Variants in ASXL2 observed in about 807,000 individuals in gnomAD.
ASXL2 encodes putative Polycomb group protein ASXL2.
Under a neutral mutation model 122.0 loss-of-function variants are expected in ASXL2, and 23 were observed. That is an observed-to-expected ratio of 0.19 (90% CI 0.14 to 0.27). The LOEUF (loss-of-function observed/expected upper bound fraction) is 0.27. ASXL2 is among the 10% of genes least tolerant of loss of function. ASXL2 has a pLI of 1.00. For missense variants in ASXL2, 1,518 were observed against 1,713.8 expected (o/e 0.89, Z 2.02); for synonymous variants, 650 against 637.0 (o/e 1.02, Z -0.31).
intron 1 of ASXL2, among the ~76,000 whole-genome samples, chr2:25,869,482 T>A (rs2089942868): frequency 6.6e-6 from 1 of 152,102 alleles, no homozygotes; most frequent in Non-Finnish European, 1.5e-5. Flanking sequence ...GAGCACAAAG[T>A]CTTACTGGCA....
At chr2:25,795,687 C>A (rs991131087) in intron 5 of ASXL2, among the ~76,000 whole-genome samples, 16 of 152,034 alleles carry the variant, frequency 1.1e-4, no homozygotes, top group Admixed American at 5.9e-4. Context: ...TACTTGATGA[C>A]CTGGCTTGGC....
intron 3 of ASXL2, among the ~76,000 whole-genome samples, chr2:25,834,910 C>T (rs1422294432): frequency 6.6e-6 from 1 of 152,120 alleles, no homozygotes; most frequent in Admixed American, 6.5e-5. Context: ...GCAACCTCCA[C>T]CTTGTGGGTT....
intron 2 of ASXL2, among the ~76,000 whole-genome samples, chr2:25,844,627 T>C (rs529253960): frequency 4.0e-5 from 6 of 150,826 alleles, no homozygotes; most frequent in South Asian, 2.1e-4. Context: ...CACACACACA[T>C]TGACTATTAA....
At chr2:25,830,360 A>G (rs2089435387) in intron 3 of ASXL2, among the ~76,000 whole-genome samples, 1 of 152,244 alleles carries the variant, frequency 6.6e-6, no homozygotes, top group Admixed American at 6.5e-5. Context: ...GGCCGAATGC[A>G]GCGGCTCACG....
intron 5 of ASXL2, among the ~76,000 whole-genome samples, chr2:25,795,410 G>A (rs1030299407): frequency 1.3e-5 from 2 of 152,054 alleles, no homozygotes; most frequent in Non-Finnish European, 2.9e-5. Flanking sequence ...TACCTATTCG[G>A]CTACTGACAA....
chr2:25,781,139 T>G (rs182144825), intron 5 of ASXL2, among the ~76,000 whole-genome samples: 1 of 152,284 alleles, frequency 6.6e-6, no homozygotes. Context: ...ACATTTATTA[T>G]AACTTTAATT....
chr2:25,810,533 A>C, intron 3 of ASXL2: 1 of 732,960 alleles, frequency 1.4e-6, no homozygotes, highest in South Asian at 1.4e-5. Context: ...GCCTGTTCCC[A>C]GGCGCGCCTT....
intron 5 of ASXL2, among the ~76,000 whole-genome samples, chr2:25,779,084 ATTTTTTTTTTTTTT>A (rs33911748): frequency 1.0e-5 from 1 of 99,412 alleles, no homozygotes; most frequent in Admixed American, 1.2e-4. Context: ...CTTTTTTCTG[ATTTTTTTTTTTTTT>A]TTTTTTTTTG....
chr2:25,778,426 G>A (rs1375490511), intron 5 of ASXL2, among the ~76,000 whole-genome samples: 1 of 152,204 alleles, frequency 6.6e-6, no homozygotes, highest in Non-Finnish European at 1.5e-5. Flanking sequence ...AGCCTCTGTA[G>A]GGAGTGCAGA....
At chr2:25,835,608 GC>G in intron 2 of ASXL2, 68 bp from the exon 3 acceptor site, 1 of 244,892 alleles carries the variant, frequency 4.1e-6, no homozygotes, top group Non-Finnish European at 8.9e-6. Context: ...TTCTTACAAA[GC>G]AACAATAAAA....
intron 9 of ASXL2, among the ~76,000 whole-genome samples, chr2:25,757,926 A>C (rs1319506032): frequency 5.2e-5 from 5 of 95,418 alleles, no homozygotes; most frequent in African/African-American, 2.0e-4. Flanking sequence ...TTTAACAAAA[A>C]AAAAAAAAAA....
chr2:25,799,979 ACAAAAAAAAAATG>A (rs2088970484), intron 4 of ASXL2, among the ~76,000 whole-genome samples: 1 of 124,954 alleles, frequency 8.0e-6, no homozygotes, highest in African/African-American at 3.2e-5. Flanking sequence ...ACCCGTCTCT[ACAAAAAAAAAATG>A]CAAAAAAAAA....
chr2:25,872,432 AGAAAGAT>A (rs2089969255), intron 1 of ASXL2, among the ~76,000 whole-genome samples: 1 of 152,268 alleles, frequency 6.6e-6, no homozygotes, highest in Admixed American at 6.5e-5. Flanking sequence ...TCAAATAGCT[AGAAAGAT>A]AACAAAAGAA....
chr2:25,800,080 G>A (rs1250617748), intron 4 of ASXL2, among the ~76,000 whole-genome samples: 1 of 151,636 alleles, frequency 6.6e-6, no homozygotes, highest in Non-Finnish European at 1.5e-5. Flanking sequence ...GGAGGACTAA[G>A]CCCAGGAGTT....
At chr2:25,793,781 A>T (rs997863778) in intron 5 of ASXL2, among the ~76,000 whole-genome samples, 3 of 152,160 alleles carry the variant, frequency 2.0e-5, no homozygotes, top group Admixed American at 6.5e-5. Context: ...CACCAAGTGC[A>T]ATCTACTCCA....
chr2:25,772,729 C>CAAAA (rs70950119), intron 5 of ASXL2, among the ~76,000 whole-genome samples: 1 of 58,940 alleles, frequency 1.7e-5, no homozygotes, highest in African/African-American at 6.5e-5. Context: ...AACTTGGTCT[C>CAAAA]AAAAAAAAAA....
chr2:25,844,726 C>T (rs1298402620), intron 2 of ASXL2, among the ~76,000 whole-genome samples: 1 of 151,942 alleles, frequency 6.6e-6, no homozygotes, highest in Non-Finnish European at 1.5e-5. Flanking sequence ...TAGCACTCTG[C>T]AGCCTCGAAC....
At chr2:25,859,534 T>TA (rs1375473410) in intron 1 of ASXL2, among the ~76,000 whole-genome samples, 3 of 152,158 alleles carry the variant, frequency 2.0e-5, no homozygotes, top group Admixed American at 2.0e-4. Flanking sequence ...CCGAAAGAAA[T>TA]ACCTCAAAAT....
intron 5 of ASXL2, among the ~76,000 whole-genome samples, chr2:25,792,103 C>G (rs1294662295): frequency 6.6e-6 from 1 of 152,204 alleles, no homozygotes; most frequent in Non-Finnish European, 1.5e-5. Context: ...CTCAAGCAAT[C>G]CTCCTGCCTC....
Sources: gnomAD v4.1 joint callset for allele counts (sites outside exome capture counted in the v4.1 genomes callset) on GRCh38, gnomAD v4.1.1 for gene constraint, MANE v1.5 for transcripts, NCBI Gene and HGNC (gene_info 2026-07-23, HGNC 2026-07-21) for gene names.